The following CNPY1 variants were observed in gnomAD, a reference collection of about 807,000 sequenced individuals.
CNPY1 encodes the protein canopy FGF signaling regulator 1.
CNPY1 carries 14 observed loss-of-function variants against 14.4 expected under a neutral mutation model. The observed-to-expected ratio is 0.97, with a 90% CI of 0.64 to 1.52. The LOEUF (loss-of-function observed/expected upper bound fraction) is 1.52. Among genes scored for constraint, CNPY1 ranks in the 40% most tolerant of loss-of-function variants. The probability of loss-of-function intolerance (pLI) is 0.00; values close to 1 mark genes in which losing one functional copy is unlikely to be tolerated. For missense variants in CNPY1, 129 were observed against 131.5 expected, an observed-to-expected ratio of 0.98 and a Z score of 0.09; for synonymous variants, 43 against 46.5, an observed-to-expected ratio of 0.92 and a Z score of 0.31.
chr7:155,504,946 A>G (rs77106239), intron 4 of CNPY1, among the ~76,000 whole-genome samples: 1,701 of 152,224 alleles, frequency 0.011, 31 homozygotes, highest in African/African-American at 0.039. Flanking sequence ...AACCATCCCA[A>G]TGTGTTAAGA....
rs534914778 is a variant in CNPY1 at position 155,530,307 on chromosome 7, T to C, written c.99+15524A>G. On this transcript the variant is annotated intron_variant, in intron 2 of 4. Coordinates refer to ENST00000636446, the MANE Select transcript of CNPY1 (RefSeq NM_001393663.1). ...ATCACCAGCAGGGTCTTTTTTTTTT[T>C]TTTTTTTTTTGAGACAGAGTCTCAC... Among the ~76,000 whole-genome samples, 30 of 146,946 alleles carry C rather than the reference T, an allele frequency of 2.0e-4. 1 individual carries two copies. The East Asian group carries it at 5.6e-3, about 27-fold the overall frequency.
intron 2 of CNPY1, among the ~76,000 whole-genome samples, chr7:155,535,578 T>C (rs890008194): frequency 7.9e-5 from 12 of 152,332 alleles, no homozygotes; most frequent in Admixed American, 2.6e-4. Flanking sequence ...GCACATATCA[T>C]GAGACAGGTC....
chr7:155,514,428 C>G (rs892104552), intron 2 of CNPY1, among the ~76,000 whole-genome samples: 3 of 152,316 alleles, frequency 2.0e-5, no homozygotes, highest in Admixed American at 1.3e-4. Context: ...GTTTCACCGT[C>G]TTGTTACTGA....
chr7:155,506,875 C>G, intron 4 of CNPY1, 145 bp downstream of exon 4: 216 of 586,192 alleles, frequency 3.7e-4, no homozygotes, highest in Middle Eastern at 4.0e-4. Flanking sequence ...GCTGTCGTTT[C>G]TGATTCAGCG....
At chr7:155,533,719 A>G (rs1430233931) in intron 2 of CNPY1, 1 of 152,178 alleles carries the variant, frequency 6.6e-6, no homozygotes, top group African/African-American at 2.4e-5. Context: ...ATTAAGGCGA[A>G]TTTCTTACGG....
At chr7:155,526,687 T>G (rs959239180) in intron 2 of CNPY1, among the ~76,000 whole-genome samples, 12 of 152,324 alleles carry the variant, frequency 7.9e-5, no homozygotes, top group Non-Finnish European at 1.3e-4. Flanking sequence ...CATCTTTCAC[T>G]GGTTAGATTA....
At position 155,502,506 on chromosome 7, in the gene CNPY1, G is replaced by T. The variant is rs1003374570; in HGVS notation, c.*562C>A. 3 of 152,254 alleles carry T rather than the reference G, an allele frequency of 2.0e-5. No individual in the cohort carries two copies. Among genetic ancestry groups the T allele is most frequent in the African/African-American group, 7.2e-5 (3 of 41,420 alleles). The allele number at this position is 152,254 out of a possible 1,614,324, so 9.4% of individuals were successfully genotyped here. A position where few individuals can be genotyped will look rare whatever the true frequency, so the allele number is the denominator to read the frequency against. The stretch of plus-strand genomic sequence containing the variant: ...TTTTTACACATTCCACTAAATTTTA[G>T]AGATGGGTTTTTAAACTTGTGGTTT... On this transcript the variant is annotated 3_prime_UTR_variant, in exon 5 of 5. Transcript: ENST00000636446.
intron 2 of CNPY1, among the ~76,000 whole-genome samples, chr7:155,514,240 G>C (rs763535445): frequency 1.3e-5 from 2 of 152,176 alleles, no homozygotes; most frequent in Non-Finnish European, 2.9e-5. Context: ...TAATTCCGAC[G>C]TTTAAAAAGA....
chr7:155,546,010 C>T (rs1797152560), intron 1 of CNPY1, 67 bp from the exon 2 acceptor site: 2 of 398,372 alleles, frequency 5.0e-6, no homozygotes, highest in African/African-American at 2.1e-5. Flanking sequence ...TGTGGAGTGG[C>T]TTCCTCTGTG....
intron 2 of CNPY1, among the ~76,000 whole-genome samples, chr7:155,517,532 G>A (rs1186132510): frequency 1.3e-5 from 2 of 152,314 alleles, no homozygotes; most frequent in East Asian, 3.9e-4. Context: ...CCAAGAACAG[G>A]TGACTCCACC....
intron 2 of CNPY1, among the ~76,000 whole-genome samples, chr7:155,538,385 C>A (rs1021666448): frequency 6.6e-6 from 1 of 152,198 alleles, no homozygotes; most frequent in African/African-American, 2.4e-5. Context: ...ACACTGGGGA[C>A]CCTGCAGGCT....
chr7:155,517,757 C>G (rs1382026072), intron 2 of CNPY1, among the ~76,000 whole-genome samples: 1 of 152,344 alleles, frequency 6.6e-6, no homozygotes. Context: ...TGGCCATGGG[C>G]GGGGATAGCC....
intron 2 of CNPY1, among the ~76,000 whole-genome samples, chr7:155,540,369 T>C (rs1002885368): frequency 1.1e-4 from 16 of 152,234 alleles, no homozygotes; most frequent in Admixed American, 1.0e-3. Context: ...TTTTCTAAAT[T>C]AACTTATCAG....
chr7:155,533,052 C>G (rs952208959), intron 2 of CNPY1, among the ~76,000 whole-genome samples: 1 of 152,242 alleles, frequency 6.6e-6, no homozygotes, highest in Non-Finnish European at 1.5e-5. Flanking sequence ...CAACGTCCTT[C>G]TAACAGGTGC....
Position 155,545,958 on chromosome 7 carries a change from A to C in CNPY1, c.-14-15T>G, listed in dbSNP as rs1236502504. The C allele has an allele frequency of 2.5e-6, 1 of 398,418 alleles. No homozygotes were observed. The highest frequency in any genetic ancestry group is 4.4e-6 in the Non-Finnish European group (1 of 226,062). The allele number at this position is 398,418 out of a possible 1,614,324, so 24.7% of individuals were successfully genotyped here. On this transcript the variant is annotated splice_polypyrimidine_tract_variant and intron_variant, in intron 1 of 4. Coordinates refer to ENST00000636446, the MANE Select transcript of CNPY1 (RefSeq NM_001393663.1). Reference sequence around the variant, plus strand: ...CGCCCTGCACGCTAAACAAGACACAAAACAGCTGTGATCAGAGGAGGAGGC... The same window carrying C: ...CGCCCTGCACGCTAAACAAGACACACAACAGCTGTGATCAGAGGAGGAGGC...
chr7:155,537,973 T>C (rs1005423553), intron 2 of CNPY1, among the ~76,000 whole-genome samples: 2 of 152,208 alleles, frequency 1.3e-5, no homozygotes, highest in African/African-American at 2.4e-5. Context: ...ATACAAGAAC[T>C]GTGACTATTG....
At chr7:155,537,911 T>A (rs1797042177) in intron 2 of CNPY1, among the ~76,000 whole-genome samples, 1 of 151,970 alleles carries the variant, frequency 6.6e-6, no homozygotes, top group Non-Finnish European at 1.5e-5. Flanking sequence ...ATAGAAAAAA[T>A]TTTAACAGAT....
chr7:155,531,019 G>A (rs1363098043), intron 2 of CNPY1, among the ~76,000 whole-genome samples: 1 of 152,262 alleles, frequency 6.6e-6, no homozygotes, highest in Non-Finnish European at 1.5e-5. Flanking sequence ...CTGCTCTCCA[G>A]TCTGATGGTC....
intron 2 of CNPY1, among the ~76,000 whole-genome samples, chr7:155,514,422 C>T (rs79871479): frequency 0.023 from 3,470 of 152,274 alleles, 133 homozygotes; most frequent in African/African-American, 0.08. Flanking sequence ...CTGCATGTTT[C>T]ACCGTCTTGT....
Sources: gnomAD v4.1 joint callset for allele counts (sites outside exome capture counted in the v4.1 genomes callset) on GRCh38, gnomAD v4.1.1 for gene constraint, MANE v1.5 for transcripts, NCBI Gene and HGNC (gene_info 2026-07-23, HGNC 2026-07-21) for gene names.